The following IGSF21 variants were observed in gnomAD, a reference collection of about 807,000 sequenced individuals.
The protein encoded by IGSF21 is immunoglobin superfamily member 21.
A neutral mutation model predicts 46.8 loss-of-function variants in IGSF21; 28 were observed. That is an observed-to-expected ratio of 0.60 (90% CI 0.44 to 0.82). The LOEUF (loss-of-function observed/expected upper bound fraction) is 0.82, where lower values mean the gene tolerates loss of function less well. Among genes scored for constraint, IGSF21 ranks in the 40% least tolerant of loss-of-function variants. The pLI is 0.00. For synonymous variants in IGSF21, 284 were observed against 273.6 expected (o/e 1.04, Z -0.38); for missense variants, 624 against 665.5 (o/e 0.94, Z 0.69).
chr1:18,121,698 A>C (rs1430243107), intron 1 of IGSF21, among the ~76,000 whole-genome samples: 2 of 152,106 alleles, frequency 1.3e-5, no homozygotes, highest in African/African-American at 2.4e-5. Context: ...CATCTCAGCC[A>C]TTCCTACGTG....
chr1:18,249,817 G>T (rs1191543527), intron 2 of IGSF21, among the ~76,000 whole-genome samples: 1 of 152,180 alleles, frequency 6.6e-6, no homozygotes, highest in South Asian at 2.1e-4. Flanking sequence ...ACGGGTGCTG[G>T]CAACAGTCAG....
chr1:18,250,511 G>A (rs935119827), intron 2 of IGSF21, among the ~76,000 whole-genome samples: 4 of 152,116 alleles, frequency 2.6e-5, no homozygotes, highest in South Asian at 2.1e-4. Context: ...GTCACCCATC[G>A]CTGTCTCTCC....
At chr1:18,284,530 CAT>C (rs1329096153) in intron 2 of IGSF21, among the ~76,000 whole-genome samples, 6 of 152,204 alleles carry the variant, frequency 3.9e-5, no homozygotes, top group African/African-American at 1.4e-4. Flanking sequence ...GATGCTTTTA[CAT>C]ATGTTTGTTT....
chr1:18,332,141 A>G (rs545270738), intron 3 of IGSF21, among the ~76,000 whole-genome samples: 92 of 152,352 alleles, frequency 6.0e-4, no homozygotes, highest in Non-Finnish European at 1.2e-3. Flanking sequence ...TCACCTGAGC[A>G]TGTCATCAGG....
Position 18,243,562 on chromosome 1 carries a change from C to A in IGSF21, c.183+15552C>A, listed in dbSNP as rs570088621. 3.5e-4 allele frequency among the ~76,000 whole-genome samples: 53 copies of A among 152,316 alleles called. 1 individual carries two copies. Among genetic ancestry groups the A allele is most frequent in the Middle Eastern group, 6.8e-3 (2 of 294 alleles). ...GCCCCCAAATCCAGTATCCACCAAG[C>A]AGCCAGAGTGACCTTTTGAAATCAG... On this transcript the variant is annotated intron_variant, in intron 2 of 9. Transcript: ENST00000251296.
intron 3 of IGSF21, among the ~76,000 whole-genome samples, chr1:18,304,832 A>G (rs1334240833): frequency 2.6e-5 from 4 of 152,216 alleles, no homozygotes; most frequent in Non-Finnish European, 5.9e-5. Flanking sequence ...TATTGCTGGT[A>G]TTTAAAAAAA....
intron 1 of IGSF21, among the ~76,000 whole-genome samples, chr1:18,182,975 G>T (rs112414700): frequency 2.6e-5 from 4 of 152,264 alleles, no homozygotes; most frequent in African/African-American, 9.6e-5. Flanking sequence ...CAGCAGACGC[G>T]ACATCACCCT....
chr1:18,330,122 C>A (rs2085697680), intron 3 of IGSF21, among the ~76,000 whole-genome samples: 1 of 152,212 alleles, frequency 6.6e-6, no homozygotes, highest in Non-Finnish European at 1.5e-5. Context: ...CTGTGGAAAG[C>A]CTTCTATTCA....
chr1:18,181,054 T>G (rs922770724), intron 1 of IGSF21, among the ~76,000 whole-genome samples: 42 of 152,300 alleles, frequency 2.8e-4, no homozygotes, highest in African/African-American at 9.9e-4. Flanking sequence ...CGGGCAGGGC[T>G]GAGTGCTCCC....
intron 1 of IGSF21, among the ~76,000 whole-genome samples, chr1:18,197,867 G>T (rs533782697): frequency 6.6e-6 from 1 of 152,322 alleles, no homozygotes; most frequent in East Asian, 1.9e-4. Context: ...GTCAGCTCCT[G>T]TCACTGTGAC....
chr1:18,362,507 C>T (rs574631277), intron 5 of IGSF21, among the ~76,000 whole-genome samples: 11 of 152,306 alleles, frequency 7.2e-5, no homozygotes, highest in African/African-American at 2.6e-4. Flanking sequence ...TTCGGGGAGC[C>T]CAAGACCCAG....
At position 18,108,206 on chromosome 1, in the gene IGSF21, C is replaced by A. The variant is rs2086109501; in HGVS notation, c.70+8C>A. 4 of 1,387,164 alleles carry A rather than the reference C, an allele frequency of 2.9e-6. No individual in the cohort carries two copies. Among genetic ancestry groups the A allele is most frequent in the South Asian group, 1.6e-5 (1 of 62,380 alleles). The allele number at this position is 1,387,164 out of a possible 1,614,324, so 85.9% of individuals were successfully genotyped here. On this transcript the variant is annotated splice_region_variant and intron_variant, in intron 1 of 9. Transcript: ENST00000251296. ...TCCTGGACCTGGCGCGCGGTGAGTG[C>A]GCGGGCGCCTGGCGGGAGCCGAGCG...
chr1:18,349,498 G>A (rs1179938343), intron 4 of IGSF21, among the ~76,000 whole-genome samples: 3 of 152,136 alleles, frequency 2.0e-5, no homozygotes, highest in Non-Finnish European at 4.4e-5. Context: ...AGGACAGGAG[G>A]CGCTGCAGGC....
At chr1:18,225,224 C>G (rs912717896) in intron 1 of IGSF21, among the ~76,000 whole-genome samples, 2 of 152,072 alleles carry the variant, frequency 1.3e-5, no homozygotes, top group East Asian at 3.9e-4. Flanking sequence ...AGAGCCACCC[C>G]ACTCCTGCAC....
chr1:18,215,354 C>T (rs1308725808), intron 1 of IGSF21, among the ~76,000 whole-genome samples: 1 of 152,174 alleles, frequency 6.6e-6, no homozygotes, highest in Admixed American at 6.5e-5. Context: ...AGGCATTTGG[C>T]CCGTTAGAGG....
At chr1:18,298,250 G>A (rs1002419978) in intron 3 of IGSF21, among the ~76,000 whole-genome samples, 9 of 152,180 alleles carry the variant, frequency 5.9e-5, no homozygotes, top group Non-Finnish European at 1.3e-4. Context: ...CTTAGTTCCT[G>A]GGTAGAGAGG....
chr1:18,350,579 A>G (rs1001217037), intron 4 of IGSF21, among the ~76,000 whole-genome samples: 2 of 152,116 alleles, frequency 1.3e-5, no homozygotes. Flanking sequence ...TCATTGTACA[A>G]TTACTTGAAC....
Position 18,322,593 on chromosome 1 carries a change from T to C in IGSF21, c.306-12299T>C, listed in dbSNP as rs1293976157. ...CTTTGGCCAACCACCTGGCTCCTGGTTCCCCACCACACGGAGTCTTTTTCT... is the reference window on the plus strand; with the variant it reads ...CTTTGGCCAACCACCTGGCTCCTGGCTCCCCACCACACGGAGTCTTTTTCT... On this transcript the variant is annotated intron_variant, in intron 3 of 9. Transcript: ENST00000251296. This position sits in a 1 kb window ranked among gnomAD's most constrained non-coding sequence, Gnocchi z 4.3. 1.3e-5 allele frequency among the ~76,000 whole-genome samples: 2 copies of C among 152,182 alleles called. No individual in the cohort carries two copies. Among genetic ancestry groups the C allele is most frequent in the Non-Finnish European group, 2.9e-5 (2 of 68,030 alleles).
At chr1:18,326,739 C>G (rs561135653) in intron 3 of IGSF21, among the ~76,000 whole-genome samples, 4 of 152,358 alleles carry the variant, frequency 2.6e-5, no homozygotes, top group South Asian at 2.1e-4. Context: ...CTGTCCCTCC[C>G]TTCCTCCTGT....
Sources: allele counts gnomAD v4.1 joint callset (sites outside exome capture counted in the v4.1 genomes callset), GRCh38; gene constraint gnomAD v4.1.1; non-coding constraint Gnocchi (gnomAD v3.1); transcripts MANE v1.5; gene names NCBI Gene and HGNC (gene_info 2026-07-23, HGNC 2026-07-21).